The following MED30 variants were observed in gnomAD, a reference collection of about 807,000 sequenced individuals.
The protein encoded by MED30 is mediator of RNA polymerase II transcription subunit 30.
Under a neutral mutation model 21.7 loss-of-function variants are expected in MED30, and 8 were observed. That is an observed-to-expected ratio of 0.37 (90% CI 0.22 to 0.67). The LOEUF is 0.67. MED30 is among the 30% of genes least tolerant of loss of function. MED30 has a pLI of 0.58. For synonymous variants in MED30, 79 were observed against 86.7 expected, an observed-to-expected ratio of 0.91 and a Z score of 0.49; for missense variants, 203 against 228.2, an observed-to-expected ratio of 0.89 and a Z score of 0.71.
chr8:117,528,260 G>A (rs1252191451), intron 1 of MED30, among the ~76,000 whole-genome samples: 1 of 151,630 alleles, frequency 6.6e-6, no homozygotes, highest in African/African-American at 2.4e-5. Flanking sequence ...AATATCATCA[G>A]ATTCACTTTT....
chr8:117,537,261 G>A (rs1462868224), intron 3 of MED30, among the ~76,000 whole-genome samples: 2 of 151,996 alleles, frequency 1.3e-5, no homozygotes, highest in African/African-American at 2.4e-5. Flanking sequence ...TTACACATTC[G>A]CCTGTTAATG....
intron 3 of MED30, among the ~76,000 whole-genome samples, chr8:117,534,043 A>G (rs1435654754): frequency 6.6e-6 from 1 of 152,126 alleles, no homozygotes; most frequent in African/African-American, 2.4e-5. Context: ...AATCTAGTAT[A>G]GGGTTTGGCA....
chr8:117,520,998 T>G lies in MED30; in HGVS notation c.122T>G (p.Val41Gly). 6.2e-7 allele frequency: 1 copy of G among 1,611,740 alleles called. No homozygotes were observed. The highest frequency in any genetic ancestry group is 8.5e-7 in the Non-Finnish European group (1 of 1,178,770). ...ASLCRIGQET[V>G]QDIVYRTMEI... Reference sequence around the variant, plus strand: ...CTGTGCCGCATCGGGCAGGAGACAGTGCAGGACATCGTGTACCGCACCATG... The same window carrying G: ...CTGTGCCGCATCGGGCAGGAGACAGGGCAGGACATCGTGTACCGCACCATG... The change falls in exon 1 of 4, where the codon GTG (valine) becomes GGG (glycine). Residue 41 changes from valine (V) to glycine (G), a missense_variant. Val to Gly is a moderately radical substitution (Grantham distance 109). Transcript: ENST00000297347.
At position 117,530,705 on chromosome 8, in the gene MED30, T is replaced by G. The variant is rs761071502; in HGVS notation, c.337-18T>G. The G allele has an allele frequency of 5.0e-6, 8 of 1,591,042 alleles. No homozygotes were observed. In the East Asian group the frequency reaches 1.6e-4, roughly 31 times the overall value. On this transcript the variant is annotated intron_variant, in intron 2 of 3. Coordinates refer to ENST00000297347, the MANE Select transcript of MED30 (RefSeq NM_080651.4). ...TGAATTATATTTTTGCCTTTTAATT[T>G]TTGTTAATCATTCCCAGCAACTTAT...
At chr8:117,538,410 G>T (rs1233968417) in intron 3 of MED30, among the ~76,000 whole-genome samples, 3 of 152,022 alleles carry the variant, frequency 2.0e-5, no homozygotes, top group Admixed American at 2.0e-4. Flanking sequence ...GAGTTTCTTG[G>T]TCTTTCCTTT....
intron 3 of MED30, among the ~76,000 whole-genome samples, chr8:117,538,630 GAAT>G (rs1183787133): frequency 7.2e-5 from 11 of 152,124 alleles, no homozygotes; most frequent in African/African-American, 1.2e-4. Context: ...AGGGGTTATT[GAAT>G]AATAATAATT....
chr8:117,527,829 G>C (rs1377782014), intron 1 of MED30, among the ~76,000 whole-genome samples: 1 of 151,734 alleles, frequency 6.6e-6, no homozygotes, highest in East Asian at 1.9e-4. Flanking sequence ...TGATGACACA[G>C]ATCAGATTGT....
chr8:117,528,616 A>C (rs1002889095), intron 1 of MED30, 35 bp from the exon 2 acceptor site: 11 of 1,516,998 alleles, frequency 7.3e-6, no homozygotes, highest in Non-Finnish European at 9.7e-6. Flanking sequence ...TTTTTTCATT[A>C]CTTGATATTT....
At chr8:117,527,297 T>TA (rs1270676916) in intron 1 of MED30, among the ~76,000 whole-genome samples, 4 of 151,974 alleles carry the variant, frequency 2.6e-5, no homozygotes, top group Non-Finnish European at 2.9e-5. Flanking sequence ...CTTTCTCCTT[T>TA]AAAATGTTTT....
intron 1 of MED30, 107 bp from the exon 2 acceptor site, chr8:117,528,544 G>A (rs1180092699): frequency 1.0e-5 from 9 of 865,458 alleles, no homozygotes; most frequent in South Asian, 1.8e-5. Context: ...GACAGCTTAT[G>A]TCTATGCATT....
rs569838557 is a variant in MED30 at position 117,527,898 on chromosome 8, G to A, written c.178-753G>A. On this transcript the variant is annotated intron_variant, in intron 1 of 3. Coordinates refer to ENST00000297347, the MANE Select transcript of MED30 (RefSeq NM_080651.4). Reference sequence around the variant, plus strand: ...GATTTTGTTCATGAGTTTCAGCAATGCAAAGTACATATTTAGTTATAAATT... The same window carrying A: ...GATTTTGTTCATGAGTTTCAGCAATACAAAGTACATATTTAGTTATAAATT... 9.9e-5 allele frequency among the ~76,000 whole-genome samples: 15 copies of A among 151,886 alleles called. 1 individual carries two copies. Among genetic ancestry groups the A allele is most frequent in the South Asian group, 6.2e-4 (3 of 4,818 alleles).
intron 1 of MED30, among the ~76,000 whole-genome samples, chr8:117,526,464 G>T (rs1818722015): frequency 6.6e-6 from 1 of 151,782 alleles, no homozygotes; most frequent in Non-Finnish European, 1.5e-5. Context: ...CACATATTGA[G>T]GATTTTTTAT....
chr8:117,523,486 G>C, intron 1 of MED30: 1 of 1,589,148 alleles, frequency 6.3e-7, no homozygotes. Context: ...GCGTAGGGTG[G>C]CAGGAACAAT....
chr8:117,537,446 A>G (rs1279211963), intron 3 of MED30, among the ~76,000 whole-genome samples: 1 of 152,186 alleles, frequency 6.6e-6, no homozygotes, highest in African/African-American at 2.4e-5. Flanking sequence ...TTTTCATGAC[A>G]TGTTTTGACT....
intron 3 of MED30, among the ~76,000 whole-genome samples, chr8:117,536,328 G>A (rs1220478930): frequency 6.6e-6 from 1 of 152,096 alleles, no homozygotes; most frequent in South Asian, 2.1e-4. Flanking sequence ...TATTAAATAA[G>A]TTGCTTTATA....
At position 117,540,164 on chromosome 8, in the gene MED30, A is replaced by G. The variant is rs910378759; in HGVS notation, c.*186A>G. ...TTTTAATGCTATTTTATGAAAGATT[A>G]TTGTAATAAACTTTGATGGGGTTTG... is the stretch of plus-strand genomic sequence containing the variant. On this transcript the variant is annotated 3_prime_UTR_variant, in exon 4 of 4. Transcript: ENST00000297347. The G allele has an allele frequency of 2.6e-6, 1 of 384,386 alleles. No individual in the cohort carries two copies. The allele number at this position is 384,386 out of a possible 1,614,324, so 23.8% of individuals were successfully genotyped here. A position where few individuals can be genotyped will look rare whatever the true frequency, so the allele number is the denominator to read the frequency against.
intron 1 of MED30, 111 bp downstream of exon 1, chr8:117,521,164 CT>C: frequency 2.8e-6 from 3 of 1,059,030 alleles, no homozygotes; most frequent in South Asian, 1.7e-5. Flanking sequence ...CTGGGCAAAC[CT>C]TAGGTGTAGG....
chr8:117,530,869 A>G (rs1399140405), intron 3 of MED30, 42 bp downstream of exon 3: 3 of 1,420,276 alleles, frequency 2.1e-6, no homozygotes. Context: ...AGAGTTATTG[A>G]TAAAAATTAC....
At chr8:117,531,460 C>A (rs1191730222) in intron 3 of MED30, among the ~76,000 whole-genome samples, 1 of 151,946 alleles carries the variant, frequency 6.6e-6, no homozygotes, top group Non-Finnish European at 1.5e-5. Flanking sequence ...ATTGCCCCTT[C>A]CTGAAATTCT....
Sources: allele counts gnomAD v4.1 joint callset (sites outside exome capture counted in the v4.1 genomes callset), GRCh38; gene constraint gnomAD v4.1.1; transcripts MANE v1.5; gene names NCBI Gene and HGNC (gene_info 2026-07-23, HGNC 2026-07-21).